RTL4: variants seen among roughly 807,000 people sequenced by gnomAD.
RTL4 encodes retrotransposon Gag-like protein 4.
RTL4 carries 4 observed loss-of-function variants against 5.3 expected under a neutral mutation model. That is an observed-to-expected ratio of 0.75 (90% CI 0.37 to 1.72). RTL4 has a LOEUF of 1.72. RTL4 is among the 40% of genes most tolerant of loss of function. The pLI is 0.04. For synonymous variants in RTL4, 98 were observed against 87.3 expected (o/e 1.12, Z -0.68); for missense variants, 260 against 227.1 (o/e 1.14, Z -0.93).
the RTL4 span, among the ~76,000 whole-genome samples, chrX:112,203,706 A>G: frequency 6.3e-5 from 7 of 111,596 alleles, no homozygotes; most frequent in African/African-American, 2.3e-4. Flanking sequence ...CTCCCACTTT[A>G]TTCTTCTTTG....
the RTL4 span, among the ~76,000 whole-genome samples, chrX:112,207,447 G>T: frequency 9.0e-6 from 1 of 111,448 alleles, no homozygotes; most frequent in Non-Finnish European, 1.9e-5. Context: ...GCTTACCTTT[G>T]TTTCAGGCTG....
At chrX:112,299,881 ATACTGTATGTGTGTGTG>A in the RTL4 span, among the ~76,000 whole-genome samples, 4 of 111,293 alleles carry the variant, frequency 3.6e-5, no homozygotes, top group Non-Finnish European at 7.5e-5. Flanking sequence ...TTTCATCATC[ATACTGTATGTGTGTGTG>A]TACACACACA....
chrX:112,170,360 T>C, the RTL4 span, among the ~76,000 whole-genome samples: 1 of 112,265 alleles, frequency 8.9e-6, no homozygotes, highest in Non-Finnish European at 1.9e-5. Flanking sequence ...TTTTCCACAA[T>C]ATTGATTCTT....
chrX:112,131,686 G>C, the RTL4 span, among the ~76,000 whole-genome samples: 1 of 110,948 alleles, frequency 9.0e-6, no homozygotes, highest in African/African-American at 3.3e-5. Context: ...AGGGGAGAGA[G>C]AGTGGGTGTG....
At chrX:112,358,635 G>A in the RTL4 span, among the ~76,000 whole-genome samples, 91 of 111,412 alleles carry the variant, frequency 8.2e-4, no homozygotes, top group Non-Finnish European at 1.5e-3. Context: ...TGTAGTACTG[G>A]CTTTATCTTC....
chrX:112,222,412 T>C, the RTL4 span, among the ~76,000 whole-genome samples: 2 of 111,437 alleles, frequency 1.8e-5, no homozygotes, highest in Admixed American at 1.9e-4. Flanking sequence ...TTTTCATATC[T>C]TCTGCAATAG....
chrX:112,310,392 ATATATATATATATATATAT>A, the RTL4 span, among the ~76,000 whole-genome samples: 1 of 48,294 alleles, frequency 2.1e-5, no homozygotes, highest in Non-Finnish European at 3.8e-5. Context: ...ATATATATAT[ATATATATATATATATATAT>A]ATATTTAATA....
the RTL4 span, among the ~76,000 whole-genome samples, chrX:112,415,511 G>C: frequency 2.3e-4 from 25 of 111,066 alleles, 1 homozygote; most frequent in South Asian, 9.1e-3. Context: ...TGTGAACACT[G>C]CAGGGTATGC....
At chrX:112,227,783 G>A in the RTL4 span, among the ~76,000 whole-genome samples, 43 of 111,502 alleles carry the variant, frequency 3.9e-4, no homozygotes, top group Middle Eastern at 4.6e-3. Flanking sequence ...GACTGCTTGC[G>A]TATCAGAACT....
the RTL4 span, among the ~76,000 whole-genome samples, chrX:112,127,789 A>C: frequency 2.7e-5 from 3 of 112,178 alleles, no homozygotes; most frequent in South Asian, 1.1e-3. Context: ...AAGCAATATG[A>C]AGAGTAATTT....
the RTL4 span, among the ~76,000 whole-genome samples, chrX:112,243,198 A>G: frequency 9.0e-6 from 1 of 111,443 alleles, no homozygotes; most frequent in Non-Finnish European, 1.9e-5. Context: ...TGTCAGGATG[A>G]TGCTGGCCTC....
the RTL4 span, among the ~76,000 whole-genome samples, chrX:112,268,840 A>ATCTTTTCTAC: frequency 7.1e-5 from 8 of 111,928 alleles, no homozygotes; most frequent in Non-Finnish European, 1.3e-4. Context: ...AGAGCTCATT[A>ATCTTTTCTAC]TCTTTTCTAC....
the RTL4 span, among the ~76,000 whole-genome samples, chrX:112,166,331 C>T: frequency 1.8e-5 from 2 of 111,604 alleles, no homozygotes; most frequent in Non-Finnish European, 3.8e-5. Flanking sequence ...TAGGTGCACA[C>T]GAGACAGAAA....
chrX:112,289,737 G>A, the RTL4 span, among the ~76,000 whole-genome samples: 34 of 108,856 alleles, frequency 3.1e-4, no homozygotes, highest in African/African-American at 9.2e-4. Flanking sequence ...GCTACTTTAC[G>A]TACTATGTGC....
the RTL4 span, among the ~76,000 whole-genome samples, chrX:112,353,078 A>G: frequency 8.9e-6 from 1 of 112,270 alleles, no homozygotes; most frequent in Non-Finnish European, 1.9e-5. Flanking sequence ...AAACACATGA[A>G]AAAATGCTCA....
the RTL4 span, among the ~76,000 whole-genome samples, chrX:112,138,059 C>T: frequency 5.4e-4 from 60 of 112,007 alleles, no homozygotes; most frequent in African/African-American, 1.9e-3. Context: ...TACTATTCAG[C>T]CTTAAAAAAG....
At chrX:112,406,323 C>G in the RTL4 span, among the ~76,000 whole-genome samples, 39 of 111,829 alleles carry the variant, frequency 3.5e-4, no homozygotes, top group African/African-American at 1.1e-3. Context: ...GTGCTGGCAT[C>G]TGTTGAGTTT....
the RTL4 span, among the ~76,000 whole-genome samples, chrX:112,339,574 T>C: frequency 4.5e-5 from 5 of 112,323 alleles, no homozygotes; most frequent in African/African-American, 1.6e-4. Flanking sequence ...TTTTGTTCCA[T>C]GAAAATAAGA....
the RTL4 span, among the ~76,000 whole-genome samples, chrX:112,232,177 G>A: frequency 1.8e-5 from 2 of 111,281 alleles, no homozygotes; most frequent in South Asian, 7.7e-4. Context: ...CAGTAGCACA[G>A]CCTCCCTCAG....
Sources: allele counts gnomAD v4.1 joint callset (sites outside exome capture counted in the v4.1 genomes callset), GRCh38; gene constraint gnomAD v4.1.1; transcripts MANE v1.5; gene names NCBI Gene and HGNC (gene_info 2026-07-23, HGNC 2026-07-21).